The following PDE4B variants were observed in gnomAD, a reference collection of about 807,000 sequenced individuals.
The protein encoded by PDE4B is 3',5'-cyclic-AMP phosphodiesterase 4B.
In PDE4B, 20 loss-of-function variants were observed where a neutral mutation model predicts 82.2. The ratio of observed to expected loss-of-function variants is 0.24; its 90% CI spans 0.17 to 0.35. The LOEUF (loss-of-function observed/expected upper bound fraction) is 0.35, where lower values mean the gene tolerates loss of function less well. Among genes scored for constraint, PDE4B ranks in the 10% least tolerant of loss-of-function variants. PDE4B has a pLI of 1.00. For missense variants in PDE4B, 655 were observed against 907.2 expected, an observed-to-expected ratio of 0.72 and a Z score of 3.57; for synonymous variants, 320 against 318.9, an observed-to-expected ratio of 1.00 and a Z score of -0.04.
At chr1:65,987,089 G>A (rs1169939694) in intron 3 of PDE4B, among the ~76,000 whole-genome samples, 1 of 152,154 alleles carries the variant, frequency 6.6e-6, no homozygotes, top group Non-Finnish European at 1.5e-5. Context: ...ACCTCATGTA[G>A]GGACCTCAAG....
At chr1:66,307,401 G>A (rs903708785) in intron 7 of PDE4B, among the ~76,000 whole-genome samples, 5 of 152,098 alleles carry the variant, frequency 3.3e-5, no homozygotes, top group Admixed American at 2.0e-4. Flanking sequence ...AGACAGAGGA[G>A]CAGGAACCAG....
chr1:65,912,872 A>G (rs1214019605), intron 1 of PDE4B, among the ~76,000 whole-genome samples: 1 of 152,190 alleles, frequency 6.6e-6, no homozygotes, highest in Non-Finnish European at 1.5e-5. Flanking sequence ...AAAAGTGATG[A>G]AAATAATCTA....
At chr1:66,118,812 G>A (rs547425451) in intron 3 of PDE4B, among the ~76,000 whole-genome samples, 5 of 151,630 alleles carry the variant, frequency 3.3e-5, no homozygotes, top group African/African-American at 9.7e-5. Flanking sequence ...TGTTCCTAAC[G>A]TGCCCTATTT....
chr1:66,174,343 A>G (rs1283206426), intron 3 of PDE4B, among the ~76,000 whole-genome samples: 3 of 152,200 alleles, frequency 2.0e-5, no homozygotes, highest in Non-Finnish European at 4.4e-5. Context: ...TTCATTTTGT[A>G]CTACATGATT....
intron 3 of PDE4B, among the ~76,000 whole-genome samples, chr1:66,070,048 C>G (rs1425651129): frequency 1.3e-5 from 2 of 151,934 alleles, no homozygotes; most frequent in African/African-American, 4.8e-5. Context: ...AAATCTTGAT[C>G]AGGGTATACA....
chr1:66,244,089 T>C (rs1226942927), intron 3 of PDE4B, among the ~76,000 whole-genome samples: 1 of 152,200 alleles, frequency 6.6e-6, no homozygotes, highest in African/African-American at 2.4e-5. Flanking sequence ...TTATTCAGAA[T>C]TGCAAATATG....
intron 1 of PDE4B, among the ~76,000 whole-genome samples, chr1:65,906,289 A>G (rs892754845): frequency 2.0e-4 from 30 of 152,238 alleles, no homozygotes; most frequent in Non-Finnish European, 7.4e-5. Context: ...TCTCTAATCC[A>G]TCCTAAACCT....
intron 1 of PDE4B, among the ~76,000 whole-genome samples, chr1:65,870,612 G>A (rs145899210): frequency 1.2e-3 from 184 of 152,206 alleles, no homozygotes; most frequent in Admixed American, 2.2e-3. Context: ...AAGAAAATTA[G>A]CAAAAGAGTT....
chr1:66,332,207 T>C, intron 7 of PDE4B: 4 of 1,428,842 alleles, frequency 2.8e-6, no homozygotes. Context: ...TTTATGCAGA[T>C]GAGCTTATAA....
At chr1:66,180,883 T>C (rs987207935) in intron 3 of PDE4B, among the ~76,000 whole-genome samples, 1 of 152,212 alleles carries the variant, frequency 6.6e-6, no homozygotes, top group African/African-American at 2.4e-5. Context: ...TGCCTGGCAC[T>C]GAAACACAAT....
At chr1:66,147,024 A>G (rs1271903147) in intron 3 of PDE4B, among the ~76,000 whole-genome samples, 1 of 152,206 alleles carries the variant, frequency 6.6e-6, no homozygotes, top group Non-Finnish European at 1.5e-5. Context: ...ATATGACTAC[A>G]TTAATAAATC....
Position 65,793,214 on chromosome 1 carries a change from CAGG to C in PDE4B, c.-98_-96del, listed in dbSNP as rs1189470804. Reference sequence around the variant, plus strand: ...GGCGGTGCAGCAGAGGCGCCTCGGGCAGGAGGAGGGCGGCTTCTGCGAGGGCAG... The same window carrying C: ...GGCGGTGCAGCAGAGGCGCCTCGGGCAGGAGGGCGGCTTCTGCGAGGGCAG... On this transcript the variant is annotated 5_prime_UTR_variant, in exon 1 of 17. Transcript: ENST00000341517. 1 of 152,408 alleles carries C rather than the reference CAGG, an allele frequency of 6.6e-6. No individual in the cohort carries two copies. Among genetic ancestry groups the C allele is most frequent in the Non-Finnish European group, 1.5e-5 (1 of 68,256 alleles). The allele number at this position is 152,408 out of a possible 1,614,324, so 9.4% of individuals were successfully genotyped here.
At chr1:65,904,815 C>T (rs1647010085) in intron 1 of PDE4B, among the ~76,000 whole-genome samples, 1 of 152,110 alleles carries the variant, frequency 6.6e-6, no homozygotes, top group Admixed American at 6.6e-5. Context: ...GAATTCTCCC[C>T]TGCAAAATGG....
intron 3 of PDE4B, among the ~76,000 whole-genome samples, chr1:65,972,209 C>T (rs1278045411): frequency 6.6e-6 from 1 of 152,088 alleles, no homozygotes; most frequent in Non-Finnish European, 1.5e-5. Context: ...ATGCATATGC[C>T]TTGTGGTCAG....
chr1:66,372,181 C>T lies in PDE4B; in HGVS notation c.1846-132C>T, dbSNP rs56837034. ...TAAGACCCACTGTATTGTGAGTGCC[C>T]AAATCATGGAATCCATTATGATTGA... On this transcript the variant is annotated intron_variant, in intron 16 of 16. Coordinates refer to ENST00000341517, the MANE Select transcript of PDE4B (RefSeq NM_002600.4). The T allele has an allele frequency of 9.1e-3, 8,463 of 932,994 alleles. 453 individuals are homozygous for T. The African/African-American group carries it at 0.12, about 14-fold the overall frequency. 57.8% of individuals were successfully genotyped at this position (932,994 alleles called of 1,614,324 possible). A position where few individuals can be genotyped will look rare whatever the true frequency, so the allele number is the denominator to read the frequency against.
At chr1:65,884,806 A>G (rs1289540006) in intron 1 of PDE4B, among the ~76,000 whole-genome samples, 3 of 152,358 alleles carry the variant, frequency 2.0e-5, no homozygotes, top group Middle Eastern at 3.4e-3. Flanking sequence ...ATGGGCAAGG[A>G]CTTCATGTCT....
intron 3 of PDE4B, among the ~76,000 whole-genome samples, chr1:66,117,849 C>A (rs1021712937): frequency 6.6e-6 from 1 of 152,172 alleles, no homozygotes; most frequent in Non-Finnish European, 1.5e-5. Context: ...GTGATTGCTT[C>A]TTTTTCTTAA....
At chr1:66,365,232 C>T (rs1021678371) in intron 12 of PDE4B, among the ~76,000 whole-genome samples, 6 of 152,122 alleles carry the variant, frequency 3.9e-5, no homozygotes, top group African/African-American at 1.2e-4. Context: ...TCTTATGAAT[C>T]GGGAGTTTGG....
intron 3 of PDE4B, among the ~76,000 whole-genome samples, chr1:66,106,074 G>T (rs1352973880): frequency 6.6e-6 from 1 of 151,876 alleles, no homozygotes; most frequent in East Asian, 1.9e-4. Flanking sequence ...TTGGCTGTGG[G>T]TTTGTCATAG....
Sources: allele counts gnomAD v4.1 joint callset (sites outside exome capture counted in the v4.1 genomes callset), GRCh38; gene constraint gnomAD v4.1.1; transcripts MANE v1.5; gene names NCBI Gene and HGNC (gene_info 2026-07-23, HGNC 2026-07-21).